The following INTS1 variants were observed in gnomAD, a reference collection of about 807,000 sequenced individuals.
INTS1 encodes integrator complex subunit 1.
A neutral mutation model predicts 241.6 loss-of-function variants in INTS1; 137 were observed. The ratio of observed to expected loss-of-function variants is 0.57; its 90% confidence interval spans 0.49 to 0.65. The LOEUF is 0.65. INTS1 is among the 30% of genes least tolerant of loss of function. The pLI, the probability that INTS1 is intolerant of heterozygous loss-of-function variation, is 0.00. For missense variants in INTS1, 3,073 were observed against 3,032.2 expected (o/e 1.01, Z -0.32); for synonymous variants, 1,692 against 1,337.8 (o/e 1.26, Z -5.78).
Position 1,493,642 on chromosome 7 carries a change from A to C in INTS1, c.2068+112T>G, listed in dbSNP as rs1228624068. 50 of 1,386,204 alleles carry C rather than the reference A, an allele frequency of 3.6e-5. No individual in the cohort carries two copies. Among genetic ancestry groups the C allele is most frequent in the African/African-American group, 5.9e-5 (4 of 68,262 alleles). 85.9% of individuals were successfully genotyped at this position (1,386,204 alleles called of 1,614,324 possible). ...CGAGCCTCCCGGGGACCCAGGACCC[A>C]GCTGAAGCGCAGCTTTGTGGAGCGC... On this transcript the variant is annotated intron_variant, in intron 15 of 47. Coordinates refer to ENST00000404767, the MANE Select transcript of INTS1 (RefSeq NM_001080453.3). This position sits in a 1 kb window ranked among gnomAD's most constrained non-coding sequence, Gnocchi z 5.3.
At chr7:1,486,275 T>A (rs1185208339) in intron 22 of INTS1, among the ~76,000 whole-genome samples, 1 of 151,318 alleles carries the variant, frequency 6.6e-6, no homozygotes, top group African/African-American at 2.4e-5. Context: ...ATTTATTTTT[T>A]TTTTTTTGAG....
chr7:1,496,847 C>G (rs1782887425), intron 11 of INTS1, among the ~76,000 whole-genome samples: 1 of 152,180 alleles, frequency 6.6e-6, no homozygotes, highest in African/African-American at 2.4e-5. Flanking sequence ...CGCAGCCCCA[C>G]CCTGCCTCCC....
rs1467714181 is a variant in INTS1, at chr7:1,480,725, T to C, written c.3949+110A>G. ...TCAGGTGGCATCAGCAAGTGTGCACTGCCCTGTGTGGCTGTGCAGGCCCCG... is the reference window on the plus strand; with the variant it reads ...TCAGGTGGCATCAGCAAGTGTGCACCGCCCTGTGTGGCTGTGCAGGCCCCG... On this transcript the variant is annotated intron_variant, in intron 29 of 47. Transcript: ENST00000404767. The C allele has an allele frequency of 6.8e-6, 6 of 876,806 alleles. No individual in the cohort carries two copies. In the African/African-American group the frequency reaches 1.0e-4, roughly 15 times the overall value. The allele number at this position is 876,806 out of a possible 1,614,324, so 54.3% of individuals were successfully genotyped here.
In INTS1 at chr7:1,483,722, CG is replaced by C; in HGVS notation, c.3541+19del. 6.3e-7 allele frequency: 1 copy of C among 1,597,498 alleles called. No individual in the cohort carries two copies. On this transcript the variant is annotated intron_variant, in intron 26 of 47. Transcript: ENST00000404767. ...CCACCTGGCACGAAGCTGCCCCTCC[CG>C]GGGCCTGTGGCGGCTCACCTCGAGG...
rs115376826 is a variant in INTS1, at chr7:1,494,397, C to A, written c.1910+419G>T. 1.6e-3 allele frequency: 421 copies of A among 259,014 alleles called. 4 individuals are homozygous for A. Among genetic ancestry groups the A allele is most frequent in the African/African-American group, 8.6e-3 (387 of 45,142 alleles). 16.0% of individuals were successfully genotyped at this position (259,014 alleles called of 1,614,324 possible). ...GAGGGGAGTGTAGACCAAGAACCCA[C>A]GGGGTCACCCATGGGGCTTGAAGGG... is the stretch of plus-strand genomic sequence containing the variant. On this transcript the variant is annotated intron_variant, in intron 14 of 47. Coordinates refer to ENST00000404767, the MANE Select transcript of INTS1 (RefSeq NM_001080453.3).
At chr7:1,486,598 C>T (rs1228294584) in intron 22 of INTS1, 27 bp downstream of exon 22, 12 of 1,604,240 alleles carry the variant, frequency 7.5e-6, no homozygotes, top group East Asian at 6.7e-5. Context: ...GAAGAGCGTG[C>T]GCAGAAAGAC....
rs766035156 is a variant in INTS1 at position 1,484,144 on chromosome 7, G to A, written c.3288C>T (p.Arg1096=). 7 of 1,611,680 alleles carry A rather than the reference G, an allele frequency of 4.3e-6. No individual in the cohort carries two copies. Among genetic ancestry groups the A allele is most frequent in the Admixed American group, 3.3e-5 (2 of 60,004 alleles). Residue 1096 remains arginine, a synonymous_variant, in exon 25 of 48, where the codon CGC becomes CGT. Coordinates refer to ENST00000404767, the MANE Select transcript of INTS1 (RefSeq NM_001080453.3). ...AGAAGAGGTGGGACATGATGGTGGA[G>A]CGCTCCACGACCAGCCGGGCCACGT... ...ALDVARLVVE[R]STIMSHLFSK...
At position 1,497,283 on chromosome 7, in the gene INTS1, G is replaced by T; in HGVS notation, c.1457C>A (p.Thr486Asn). Residue 486 changes from threonine (T) to asparagine (N), a missense_variant, in exon 11 of 48, where the codon ACC (threonine) becomes AAC (asparagine). Coordinates refer to ENST00000404767, the MANE Select transcript of INTS1 (RefSeq NM_001080453.3). The surrounding 1 kb of genome is among the most constrained non-coding windows in gnomAD (Gnocchi z 5.3). ...FLAMVFQDLL[T>N]NKDDYLRASR... ...GGCCCGCAGGTAGTCGTCCTTGTTG[G>T]TCAGCAGGTCCTGGAACACCATGGC... The T allele has an allele frequency of 6.2e-7, 1 of 1,613,278 alleles. No homozygotes were observed. Among genetic ancestry groups the T allele is most frequent in the Non-Finnish European group, 8.5e-7 (1 of 1,179,700 alleles).
In INTS1 at chr7:1,487,331, T is replaced by C. The variant is rs1457757654; in HGVS notation, c.2635A>G (p.Ile879Val). The change falls in exon 20 of 48, where the codon ATC (isoleucine) becomes GTC (valine). Residue 879 changes from isoleucine (I) to valine (V), a missense_variant. Physicochemically the swap from Ile to Val is conservative, Grantham distance 29. Transcript: ENST00000404767. ...GCCTCGGCACTCACCTGCCGCTGGATGATGTGGAGGAGAAAGTCAGGGTTT... is the reference window on the plus strand; with the variant it reads ...GCCTCGGCACTCACCTGCCGCTGGACGATGTGGAGGAGAAAGTCAGGGTTT... Reference protein sequence around the residue: ...SRNPDFLLHIIQRQASSQSMP... With the variant: ...SRNPDFLLHIVQRQASSQSMP... 1 of 1,600,618 alleles carries C rather than the reference T, an allele frequency of 6.2e-7. No homozygotes were observed. The highest frequency in any genetic ancestry group is 8.5e-7 in the Non-Finnish European group (1 of 1,174,024).
intron 29 of INTS1, 84 bp downstream of exon 29, chr7:1,480,751 T>C: frequency 8.8e-7 from 1 of 1,132,854 alleles, no homozygotes; most frequent in South Asian, 1.4e-5. Flanking sequence ...GCAGGCCCCG[T>C]CCCCCTCCCC....
Position 1,483,772 on chromosome 7 carries a change from C to A in INTS1, c.3511G>T (p.Val1171Leu). Residue 1171 changes from valine to leucine, a missense_variant, in exon 26 of 48, where the codon GTG (valine) becomes TTG (leucine). Physicochemically the swap from Val to Leu is conservative, Grantham distance 32. Coordinates refer to ENST00000404767, the MANE Select transcript of INTS1 (RefSeq NM_001080453.3). The stretch of plus-strand genomic sequence containing the variant: ...GGCGGGCCCAGCGTCAGCAGGATCA[C>A]CATGGCATGGACCACGAGGATGTGC... ...TMHILVVHAM[V>L]ILLTLGPPRA... 6.2e-7 allele frequency: 1 copy of A among 1,612,036 alleles called. No individual in the cohort carries two copies. The highest frequency in any genetic ancestry group is 8.5e-7 in the Non-Finnish European group (1 of 1,179,748).
rs1044533833 is a variant in INTS1, at chr7:1,473,752, T to A, written c.5830-59A>T. On this transcript the variant is annotated intron_variant, in intron 41 of 47. Coordinates refer to ENST00000404767, the MANE Select transcript of INTS1 (RefSeq NM_001080453.3). ...TGCCCCGCAGGGCCAAAACAGAGCC[T>A]GTGCTCCCATCTGCTCCCAGAGCCT... 4.4e-6 allele frequency: 7 copies of A among 1,601,478 alleles called. No homozygotes were observed. The East Asian group carries it at 1.3e-4, about 31-fold the overall frequency.
intron 2 of INTS1, 88 bp from the exon 3 acceptor site, chr7:1,503,279 G>T: frequency 7.2e-7 from 1 of 1,379,884 alleles, no homozygotes; most frequent in Non-Finnish European, 9.8e-7. Context: ...ATGTCAGAGG[G>T]GATTAAACAA....
intron 39 of INTS1, among the ~76,000 whole-genome samples, chr7:1,475,256 G>A (rs1022578226): frequency 2.6e-5 from 4 of 152,030 alleles, no homozygotes; most frequent in African/African-American, 7.2e-5. Flanking sequence ...GTGGTGGCAC[G>A]TGCCTGTGAT....
chr7:1,479,267 G>A (rs970862676), intron 31 of INTS1, among the ~76,000 whole-genome samples, 163 bp downstream of exon 31: 4 of 152,216 alleles, frequency 2.6e-5, no homozygotes, highest in African/African-American at 9.6e-5. Context: ...AATGTTCACT[G>A]GAAAAAGGGG....
Position 1,487,479 on chromosome 7 carries a change from G to A in INTS1, c.2517-30C>T, listed in dbSNP as rs374553151. 1.5e-4 allele frequency: 234 copies of A among 1,603,974 alleles called. 2 individuals are homozygous for A. The East Asian group carries it at 4.1e-3, about 28-fold the overall frequency. ...GGGCCACAGGGGACACGGTGCGTCA[G>A]CACGCCCTGAGCGGATCACCCCCAG... On this transcript the variant is annotated intron_variant, in intron 19 of 47. Coordinates refer to ENST00000404767, the MANE Select transcript of INTS1 (RefSeq NM_001080453.3).
Position 1,479,447 on chromosome 7 carries a change from G to A in INTS1, c.4312C>T (p.Gln1438Ter), listed in dbSNP as rs2128535171. The change falls in exon 31 of 48, where the codon CAG (glutamine) becomes TAG (stop). Residue 1438 changes from glutamine to a stop codon, truncating the protein, a stop_gained. Transcript: ENST00000404767. LOFTEE classifies it high-confidence loss of function. ...CCAAGTACCTGGTACTGGCAGAGCT[G>A]GCGCAGCAGCGGGCAGGCCAGGAAG... ...SHFLACPLLR[Q>*]LCQYQRCVPQ... 1 of 1,578,622 alleles carries A rather than the reference G, an allele frequency of 6.3e-7. No homozygotes were observed. The highest frequency in any genetic ancestry group is 8.6e-7 in the Non-Finnish European group (1 of 1,163,280).
chr7:1,500,516 G>A lies in INTS1; in HGVS notation c.350-150C>T, dbSNP rs995663601. ...CCACCCTCAGCAAAGTTCCCACAGCGGACAAGCACCCCACCAGATGGTCCC... is the reference window on the plus strand; with the variant it reads ...CCACCCTCAGCAAAGTTCCCACAGCAGACAAGCACCCCACCAGATGGTCCC... On this transcript the variant is annotated intron_variant, in intron 3 of 47. Transcript: ENST00000404767. The A allele has an allele frequency of 2.1e-5, 18 of 854,134 alleles. 1 individual carries two copies. Among genetic ancestry groups the A allele is most frequent in the South Asian group, 1.5e-4 (8 of 53,548 alleles). 52.9% of individuals were successfully genotyped at this position (854,134 alleles called of 1,614,324 possible).
At position 1,497,549 on chromosome 7, in the gene INTS1, TGAG is replaced by T. The variant is rs1370370677; in HGVS notation, c.1426-238_1426-236del. On this transcript the variant is annotated intron_variant, in intron 10 of 47. Transcript: ENST00000404767. The surrounding 1 kb of genome is among the most constrained non-coding windows in gnomAD (Gnocchi z 5.3). Reference sequence around the variant, plus strand: ...AGGTGGGGAGTCGGTCCTCGTGAAATGAGGAGGATTAATTAACGGAAGCTGGGG... The same window carrying T: ...AGGTGGGGAGTCGGTCCTCGTGAAATGAGGATTAATTAACGGAAGCTGGGG... Among the ~76,000 whole-genome samples, 4 of 151,720 alleles carry T rather than the reference TGAG, an allele frequency of 2.6e-5. No homozygotes were observed. Among genetic ancestry groups the T allele is most frequent in the Non-Finnish European group, 4.4e-5 (3 of 67,932 alleles).
Sources: gnomAD v4.1 joint callset for allele counts (sites outside exome capture counted in the v4.1 genomes callset) on GRCh38, gnomAD v4.1.1 for gene constraint, Gnocchi (gnomAD v3.1) non-coding constraint, MANE v1.5 for transcripts, NCBI Gene and HGNC (gene_info 2026-07-23, HGNC 2026-07-21) for gene names.